Variants in RHD observed in about 807,000 individuals in gnomAD.
RHD encodes the protein Rh blood group D antigen, also known as blood group Rh(D) polypeptide.
A neutral mutation model predicts 45.5 loss-of-function variants in RHD; 16 were observed. The observed-to-expected ratio is 0.35, with a 90% CI of 0.24 to 0.53. The LOEUF is 0.53. RHD is among the 20% of genes least tolerant of loss of function. The pLI is 0.92. For missense variants in RHD, 306 were observed against 532.0 expected (o/e 0.58, Z 4.18); for synonymous variants, 131 against 217.5 (o/e 0.60, Z 3.50).
chr1:25,300,683 C>A lies in RHD; in HGVS notation c.487-263C>A. ...AATTAGCCCAGCGTAGTGGCGCATG[C>A]CTGTAATCCCAGCTACTAGGGAAGC... On this transcript the variant is annotated intron_variant, in intron 3 of 9. Transcript: ENST00000328664. Among the ~76,000 whole-genome samples, 2 of 131,514 alleles carry A rather than the reference C, an allele frequency of 1.5e-5. 1 individual carries two copies. The highest frequency in any genetic ancestry group is 3.6e-5 in the Non-Finnish European group (2 of 55,754). 86.3% of individuals were successfully genotyped at this position (131,514 alleles called of 152,430 possible).
rs1643471105 is a variant in RHD at position 25,302,566 on chromosome 1, G to C, written c.802-756G>C. On this transcript the variant is annotated intron_variant, in intron 5 of 9. Coordinates refer to ENST00000328664, the MANE Select transcript of RHD (RefSeq NM_016124.6). ...GCCCAGAGGCTAATCCTAGGTGAGAGCTGAGGGTGTCAGATAAGAGCAAGG... is the reference window on the plus strand; with the variant it reads ...GCCCAGAGGCTAATCCTAGGTGAGACCTGAGGGTGTCAGATAAGAGCAAGG... Among the ~76,000 whole-genome samples, 2 of 130,126 alleles carry C rather than the reference G, an allele frequency of 1.5e-5. 1 individual carries two copies. The highest frequency in any genetic ancestry group is 5.3e-5 in the African/African-American group (2 of 37,668). The allele number at this position is 130,126 out of a possible 152,430, so 85.4% of individuals were successfully genotyped here.
Position 25,289,196 on chromosome 1 carries a change from AT to A in RHD, c.336-1437del, listed in dbSNP as rs960061444. 7.6e-5 allele frequency among the ~76,000 whole-genome samples: 10 copies of A among 131,358 alleles called. 1 individual carries two copies. The highest frequency in any genetic ancestry group is 2.3e-4 in the South Asian group (1 of 4,278). 86.2% of individuals were successfully genotyped at this position (131,358 alleles called of 152,430 possible). A position where few individuals can be genotyped will look rare whatever the true frequency, so the allele number is the denominator to read the frequency against. On this transcript the variant is annotated intron_variant, in intron 2 of 9. Coordinates refer to ENST00000328664, the MANE Select transcript of RHD (RefSeq NM_016124.6). ...GCTAGCACGATTTTACAGAGAGTGA[AT>A]TTTTTTTGTGTGTGTGTGAGGCAGT...
In RHD at chr1:25,329,900, CT is replaced by C. The variant is rs1213518313; in HGVS notation, c.*977del. 7.6e-6 allele frequency: 1 copy of C among 131,588 alleles called. No homozygotes were observed. The highest frequency in any genetic ancestry group is 1.8e-5 in the Non-Finnish European group (1 of 55,646). The allele number at this position is 131,588 out of a possible 1,614,324, so 8.2% of individuals were successfully genotyped here. On this transcript the variant is annotated 3_prime_UTR_variant, in exon 10 of 10. Transcript: ENST00000328664. ...AGGATCTCTTGGCCTCATGATCAGC[CT>C]GCCTCGGCCTCCCAAAGTGCTGGGA... is the stretch of plus-strand genomic sequence containing the variant.
intron 9 of RHD, 52 bp downstream of exon 9, chr1:25,322,014 A>T: frequency 1.1e-6 from 1 of 928,390 alleles, no homozygotes; most frequent in Non-Finnish European, 1.7e-6. Context: ...TGAACTTAAA[A>T]ACATACCTGA....
At chr1:25,307,521 C>A in intron 7 of RHD, 1 of 518,550 alleles carries the variant, frequency 1.9e-6, no homozygotes, top group East Asian at 2.8e-5. Flanking sequence ...TTATTGACTG[C>A]TTTAAAAGTG....
intron 1 of RHD, among the ~76,000 whole-genome samples, chr1:25,273,369 C>G (rs1181817932): frequency 9.8e-6 from 1 of 101,790 alleles, no homozygotes; most frequent in African/African-American, 3.3e-5. Context: ...GTCTCAAACT[C>G]CTGGACACAA....
At chr1:25,273,825 G>T (rs1452881032) in intron 1 of RHD, among the ~76,000 whole-genome samples, 2 of 130,300 alleles carry the variant, frequency 1.5e-5, no homozygotes, top group Admixed American at 1.5e-4. Flanking sequence ...TTGAGTCCTT[G>T]CTTGTTCCTA....
At chr1:25,295,849 AATTTTT>A (rs1642896439) in intron 3 of RHD, among the ~76,000 whole-genome samples, 1 of 33,728 alleles carries the variant, frequency 3.0e-5, no homozygotes, top group African/African-American at 5.8e-5. Flanking sequence ...GAATATGGGA[AATTTTT>A]TTTTTTTTTT....
Position 25,289,817 on chromosome 1 carries a change from A to G in RHD, c.336-824A>G, listed in dbSNP as rs377172989. ...TCATGGTGTAGCCTGTCTAGATCAT[A>G]AGTACATTTTTTTTTTTTTTGGATC... is the stretch of plus-strand genomic sequence containing the variant. On this transcript the variant is annotated intron_variant, in intron 2 of 9. Coordinates refer to ENST00000328664, the MANE Select transcript of RHD (RefSeq NM_016124.6). 7.9e-5 allele frequency among the ~76,000 whole-genome samples: 9 copies of G among 113,876 alleles called. 2 individuals carry two copies. Among genetic ancestry groups the G allele is most frequent in the Admixed American group, 4.4e-4 (5 of 11,348 alleles). The allele number at this position is 113,876 out of a possible 152,430, so 74.7% of individuals were successfully genotyped here. A position where few individuals can be genotyped will look rare whatever the true frequency, so the allele number is the denominator to read the frequency against.
chr1:25,286,735 G>C (rs546269681), intron 2 of RHD, among the ~76,000 whole-genome samples: 1 of 132,462 alleles, frequency 7.5e-6, no homozygotes. Context: ...GCAGTGAACC[G>C]AGATGGTGCC....
In RHD at chr1:25,275,898, C is replaced by T. The variant is rs1199918930; in HGVS notation, c.148+3203C>T. Among the ~76,000 whole-genome samples the T allele has an allele frequency of 2.3e-5, 3 of 132,124 alleles. No individual in the cohort carries two copies. In the South Asian group the frequency reaches 6.9e-4, roughly 31 times the overall value. 86.7% of individuals were successfully genotyped at this position (132,124 alleles called of 152,430 possible). ...GGAGAAGTTTCACTCTGCCTTTTCC[C>T]TTTTGTTCACTTGACTGCCATTATT... On this transcript the variant is annotated intron_variant, in intron 1 of 9. Coordinates refer to ENST00000328664, the MANE Select transcript of RHD (RefSeq NM_016124.6).
chr1:25,308,977 C>T (rs1311329286), intron 7 of RHD, among the ~76,000 whole-genome samples: 2 of 131,442 alleles, frequency 1.5e-5, no homozygotes, highest in African/African-American at 5.3e-5. Context: ...AACATAGCCC[C>T]GTTCTTTATG....
intron 1 of RHD, among the ~76,000 whole-genome samples, chr1:25,282,960 C>T (rs28721445): frequency 0.024 from 3,218 of 131,870 alleles, 523 homozygotes; most frequent in African/African-American, 0.077. Context: ...AAGTAAAACA[C>T]CTCCCAAACT....
intron 6 of RHD, 138 bp downstream of exon 6, chr1:25,303,597 A>G: frequency 1.1e-6 from 1 of 944,394 alleles, no homozygotes; most frequent in South Asian, 1.4e-5. Context: ...ACGCCTAGTG[A>G]GGGATCCATC....
At position 25,275,642 on chromosome 1, in the gene RHD, C is replaced by T. The variant is rs1640901906; in HGVS notation, c.148+2947C>T. The stretch of plus-strand genomic sequence containing the variant: ...TATATTTTGTATGTTACAATAAATA[C>T]ATACAAATTAGGAAAATTGAAAGAG... On this transcript the variant is annotated intron_variant, in intron 1 of 9. Transcript: ENST00000328664. Among the ~76,000 whole-genome samples the T allele has an allele frequency of 1.5e-5, 2 of 132,850 alleles. 1 individual carries two copies. The highest frequency in any genetic ancestry group is 5.1e-5 in the African/African-American group (2 of 38,924). 87.2% of individuals were successfully genotyped at this position (132,850 alleles called of 152,430 possible).
intron 2 of RHD, 105 bp from the exon 3 acceptor site, chr1:25,290,536 C>A: frequency 9.8e-7 from 1 of 1,017,756 alleles, no homozygotes; most frequent in Non-Finnish European, 1.5e-6. Flanking sequence ...AAGTAGGTGC[C>A]CAACAGTGTT....
In RHD at chr1:25,303,439, G is replaced by C. The variant is rs762881746; in HGVS notation, c.919G>C (p.Gly307Arg). The change falls in exon 6 of 10, where the codon GGG becomes CGG. Residue 307 changes from glycine (G) to arginine (R), a missense_variant. Coordinates refer to ENST00000328664, the MANE Select transcript of RHD (RefSeq NM_016124.6). ...TCTTGTGGCTGGGCTGATCTCCGTC[G>C]GGGGAGCCAAGTACCTGCCGGTAAG... ...LGLVAGLISV[G>R]GAKYLPGCCN... The C allele has an allele frequency of 7.3e-7, 1 of 1,378,878 alleles. No homozygotes were observed. The highest frequency in any genetic ancestry group is 1.4e-5 in the African/African-American group (1 of 70,414). The allele number at this position is 1,378,878 out of a possible 1,614,324, so 85.4% of individuals were successfully genotyped here.
At chr1:25,292,210 G>A (rs113800484) in intron 3 of RHD, among the ~76,000 whole-genome samples, 6 of 132,714 alleles carry the variant, frequency 4.5e-5, no homozygotes, top group East Asian at 1.9e-4. Flanking sequence ...GTGCCTCAGT[G>A]TCCCAAAGGA....
intron 1 of RHD, among the ~76,000 whole-genome samples, chr1:25,278,156 A>G (rs1641179180): frequency 7.7e-6 from 1 of 129,404 alleles, no homozygotes; most frequent in Admixed American, 7.5e-5. Context: ...AGGAGATTCT[A>G]GAGATATTTA....
Sources: gnomAD v4.1 joint callset for allele counts (sites outside exome capture counted in the v4.1 genomes callset) on GRCh38, gnomAD v4.1.1 for gene constraint, MANE v1.5 for transcripts, NCBI Gene and HGNC (gene_info 2026-07-23, HGNC 2026-07-21) for gene names.